The following TMEM135 variants were observed in gnomAD, a reference collection of about 807,000 sequenced individuals.
TMEM135 encodes peroxisomal membrane protein 52.
Under a neutral mutation model 60.3 loss-of-function variants are expected in TMEM135, and 30 were observed. That is an observed-to-expected ratio of 0.50 (90% CI 0.37 to 0.68). TMEM135 has a LOEUF of 0.68. TMEM135 is among the 30% of genes least tolerant of loss of function. TMEM135 has a pLI of 0.00. For synonymous variants in TMEM135, 190 were observed against 186.7 expected (o/e 1.02, Z -0.14); for missense variants, 468 against 548.8 (o/e 0.85, Z 1.47).
At chr11:87,053,423 C>T (rs546096874) in intron 1 of TMEM135, among the ~76,000 whole-genome samples, 1 of 151,946 alleles carries the variant, frequency 6.6e-6, no homozygotes, top group African/African-American at 2.4e-5. Flanking sequence ...GTGGTAAGAC[C>T]TTGACAATAG....
At chr11:87,294,471 C>T (rs71465689) in intron 6 of TMEM135, among the ~76,000 whole-genome samples, 16,224 of 152,094 alleles carry the variant, frequency 0.11, 909 homozygotes, top group South Asian at 0.15. Context: ...GCAACCTCCG[C>T]CCCCCGGGTT....
Position 87,122,657 on chromosome 11 carries a change from C to T in TMEM135, c.396+31262C>T, listed in dbSNP as rs547562148. On this transcript the variant is annotated intron_variant, in intron 4 of 14. Transcript: ENST00000305494. ...TGTATTTTTAGTAGAGACGGGGTTT[C>T]GCCATGTTGGCCAGGCTGATCTCAA... 1.2e-4 allele frequency among the ~76,000 whole-genome samples: 18 copies of T among 152,076 alleles called. 1 individual carries two copies. In the East Asian group the frequency reaches 3.3e-3, roughly 28 times the overall value.
At chr11:87,153,861 A>G (rs1938623813) in intron 4 of TMEM135, among the ~76,000 whole-genome samples, 1 of 152,184 alleles carries the variant, frequency 6.6e-6, no homozygotes, top group Admixed American at 6.5e-5. Flanking sequence ...TGGATTTTCC[A>G]TTAAGTACTC....
Position 87,327,867 on chromosome 11 carries a change from A to C in TMEM135, c.*6534A>C. 1 of 454,010 alleles carries C rather than the reference A, an allele frequency of 2.2e-6. No individual in the cohort carries two copies. Among genetic ancestry groups the C allele is most frequent in the Non-Finnish European group, 4.4e-6 (1 of 226,762 alleles). The allele number at this position is 454,010 out of a possible 1,614,324, so 28.1% of individuals were successfully genotyped here. On this transcript the variant is annotated 3_prime_UTR_variant, in exon 15 of 15. Transcript: ENST00000305494. ...TTGGAGAAGAGTGTATCCCTGCTGC[A>C]GGGGAGAGAGAGAAGCCAATTCTCC...
rs1555105256 is a variant in TMEM135, at chr11:87,111,666, A to AACAG, written c.396+20272_396+20273insCAGA. ...ACTCCGTCTCAAAAAAAAAAAAAAA[A>AACAG]AAAAAGAAAAAGAAATTTCCTGCAT... is the stretch of plus-strand genomic sequence containing the variant. On this transcript the variant is annotated intron_variant, in intron 4 of 14. Transcript: ENST00000305494. 4.5e-3 allele frequency among the ~76,000 whole-genome samples: 594 copies of AACAG among 130,964 alleles called. 5 individuals carry two copies. The highest frequency in any genetic ancestry group is 0.017 in the African/African-American group (572 of 34,408). The allele number at this position is 130,964 out of a possible 152,430, so 85.9% of individuals were successfully genotyped here. A position where few individuals can be genotyped will look rare whatever the true frequency, so the allele number is the denominator to read the frequency against.
At chr11:87,283,443 A>G (rs1329614690) in intron 6 of TMEM135, among the ~76,000 whole-genome samples, 1 of 152,254 alleles carries the variant, frequency 6.6e-6, no homozygotes, top group Non-Finnish European at 1.5e-5. Flanking sequence ...TTGGTATCAA[A>G]TAAGCATAAA....
rs1212299156 is a variant in TMEM135 at position 87,080,946 on chromosome 11, G to A, written c.362+9331G>A. Among the ~76,000 whole-genome samples the A allele has an allele frequency of 3.3e-5, 5 of 152,024 alleles. 1 individual carries two copies. Among genetic ancestry groups the A allele is most frequent in the South Asian group, 4.1e-4 (2 of 4,820 alleles). On this transcript the variant is annotated intron_variant, in intron 3 of 14. Coordinates refer to ENST00000305494, the MANE Select transcript of TMEM135 (RefSeq NM_022918.4). ...AATGATCCACACGCCTTGGCCTCCC[G>A]AAGTGCTGGGATTACAGGCATGAGC...
rs754418329 is a variant in TMEM135, at chr11:87,322,716, T to C, written c.*1383T>C. On this transcript the variant is annotated 3_prime_UTR_variant, in exon 15 of 15. Coordinates refer to ENST00000305494, the MANE Select transcript of TMEM135 (RefSeq NM_022918.4). ...AATGCTTAATCCCTCATATTCAATT[T>C]CATCAAGCCTTGTATACTTCTGCTT... The C allele has an allele frequency of 2.1e-4, 97 of 453,960 alleles. 1 individual carries two copies. Among genetic ancestry groups the C allele is most frequent in the Non-Finnish European group, 3.1e-4 (71 of 226,722 alleles). The allele number at this position is 453,960 out of a possible 1,614,324, so 28.1% of individuals were successfully genotyped here. A position where few individuals can be genotyped will look rare whatever the true frequency, so the allele number is the denominator to read the frequency against.
chr11:87,318,645 A>G (rs1177502593), intron 13 of TMEM135, among the ~76,000 whole-genome samples: 1 of 152,052 alleles, frequency 6.6e-6, no homozygotes, highest in Non-Finnish European at 1.5e-5. Flanking sequence ...GGGAAGAACT[A>G]GTTTCATATA....
chr11:87,088,939 A>G (rs1857151188), intron 3 of TMEM135, among the ~76,000 whole-genome samples: 1 of 152,216 alleles, frequency 6.6e-6, no homozygotes, highest in African/African-American at 2.4e-5. Context: ...TAAGTGGAAA[A>G]TTTCACATTT....
At chr11:87,047,272 A>C (rs1949804466) in intron 1 of TMEM135, among the ~76,000 whole-genome samples, 1 of 152,184 alleles carries the variant, frequency 6.6e-6, no homozygotes, top group Non-Finnish European at 1.5e-5. Context: ...TAAATTGTAC[A>C]ACAGCCAGAT....
Position 87,295,818 on chromosome 11 carries a change from A to T in TMEM135, c.546A>T (p.Ala182=), listed in dbSNP as rs753888651. 9 of 1,606,624 alleles carry T rather than the reference A, an allele frequency of 5.6e-6. No homozygotes were observed. The highest frequency in any genetic ancestry group is 1.6e-4 in the Middle Eastern group (1 of 6,062). Residue 182 remains alanine (A), a synonymous_variant, in exon 7 of 15, where the codon GCA becomes GCT. Coordinates refer to ENST00000305494, the MANE Select transcript of TMEM135 (RefSeq NM_022918.4). ...KDGLKGFTFS[A]LRFIVGKEEI... ...GCTTGAAAGGATTTACATTTTCTGC[A>T]CTTAGGTAAGAAACATTTATTTTTA...
chr11:87,235,092 C>G (rs145206675), intron 5 of TMEM135, among the ~76,000 whole-genome samples: 10 of 152,096 alleles, frequency 6.6e-5, no homozygotes, highest in African/African-American at 2.4e-4. Flanking sequence ...AGTGTCATGA[C>G]TGGGTTTTGT....
chr11:87,145,709 TG>T (rs1356675347), intron 4 of TMEM135, among the ~76,000 whole-genome samples: 1 of 152,184 alleles, frequency 6.6e-6, no homozygotes, highest in Non-Finnish European at 1.5e-5. Flanking sequence ...ATGTATCTGT[TG>T]ACCATTTGTA....
At chr11:87,207,750 T>C (rs1220607931) in intron 5 of TMEM135, among the ~76,000 whole-genome samples, 3 of 152,214 alleles carry the variant, frequency 2.0e-5, no homozygotes, top group African/African-American at 7.2e-5. Context: ...ACTCCCCTAC[T>C]GGAGCACCTC....
At chr11:87,212,590 G>A (rs1940396555) in intron 5 of TMEM135, among the ~76,000 whole-genome samples, 1 of 151,998 alleles carries the variant, frequency 6.6e-6, no homozygotes, top group South Asian at 2.1e-4. Context: ...GGGAGGCCGA[G>A]GTGGGTGGAT....
In TMEM135 at chr11:87,171,684, A is replaced by G. The variant is rs992784785; in HGVS notation, c.462+14278A>G. Among the ~76,000 whole-genome samples, 3 of 152,144 alleles carry G rather than the reference A, an allele frequency of 2.0e-5. No individual in the cohort carries two copies. In the East Asian group the frequency reaches 5.8e-4, roughly 29 times the overall value. Reference sequence around the variant, plus strand: ...CTTTAAGGTCCTATATGGCTTTAACATTTTCTGCTTACAGGCAGCTTTGTA... The same window carrying G: ...CTTTAAGGTCCTATATGGCTTTAACGTTTTCTGCTTACAGGCAGCTTTGTA... On this transcript the variant is annotated intron_variant, in intron 5 of 14. Transcript: ENST00000305494.
At chr11:87,238,478 T>A (rs1941057094) in intron 6 of TMEM135, among the ~76,000 whole-genome samples, 1 of 151,986 alleles carries the variant, frequency 6.6e-6, no homozygotes, top group Admixed American at 6.6e-5. Context: ...GCATAGGATT[T>A]TGTATCAGTC....
At chr11:87,241,338 A>G (rs1941129066) in intron 6 of TMEM135, among the ~76,000 whole-genome samples, 3 of 152,054 alleles carry the variant, frequency 2.0e-5, no homozygotes, top group Non-Finnish European at 4.4e-5. Context: ...ATTCGGTTCT[A>G]TGTTTATTTT....
Sources: gnomAD v4.1 joint callset for allele counts (sites outside exome capture counted in the v4.1 genomes callset) on GRCh38, gnomAD v4.1.1 for gene constraint, MANE v1.5 for transcripts, NCBI Gene and HGNC (gene_info 2026-07-23, HGNC 2026-07-21) for gene names.